Variants in METTL15 observed in about 807,000 individuals in gnomAD.
The protein encoded by METTL15 is methyltransferase 15, mitochondrial 12S rRNA N4-cytidine, also known as 12S rRNA N(4)-cytidine methyltransferase METTL15.
In METTL15, 34 loss-of-function variants were observed where a neutral mutation model predicts 38.3. The ratio of observed to expected loss-of-function variants is 0.89; its 90% CI spans 0.68 to 1.18. The LOEUF (loss-of-function observed/expected upper bound fraction) is 1.18, where lower values mean the gene tolerates loss of function less well. Among genes scored for constraint, METTL15 ranks in the 50% most tolerant of loss-of-function variants. The pLI is 0.00. For synonymous variants in METTL15, 162 were observed against 170.9 expected, an observed-to-expected ratio of 0.95 and a Z score of 0.41; for missense variants, 438 against 498.4, an observed-to-expected ratio of 0.88 and a Z score of 1.15.
chr11:28,450,319 A>G (rs1416001297), intron 6 of METTL15, among the ~76,000 whole-genome samples: 2 of 152,232 alleles, frequency 1.3e-5, no homozygotes, highest in Non-Finnish European at 2.9e-5. Context: ...ACCATGTTCC[A>G]GGCAATGTAT....
intron 3 of METTL15, among the ~76,000 whole-genome samples, chr11:28,150,241 T>A (rs955220785): frequency 3.9e-5 from 6 of 151,962 alleles, no homozygotes; most frequent in Non-Finnish European, 8.8e-5. Flanking sequence ...ACTACACTAG[T>A]ATAGTATTGA....
intron 4 of METTL15, among the ~76,000 whole-genome samples, chr11:28,255,565 A>G (rs1317640643): frequency 1.3e-5 from 2 of 152,150 alleles, no homozygotes; most frequent in Admixed American, 6.5e-5. Context: ...CCCATTCAGT[A>G]TGATATTAGC....
intron 3 of METTL15, among the ~76,000 whole-genome samples, chr11:28,139,550 C>T (rs1043356988): frequency 6.6e-6 from 1 of 152,096 alleles, no homozygotes; most frequent in Non-Finnish European, 1.5e-5. Context: ...CTTTCCTCTG[C>T]TGTCAGTAAC....
chr11:28,288,541 C>A (rs1010262114), intron 4 of METTL15, among the ~76,000 whole-genome samples: 1 of 152,094 alleles, frequency 6.6e-6, no homozygotes, highest in Non-Finnish European at 1.5e-5. Context: ...AGGCCATTAT[C>A]CTTAGCAAAC....
At chr11:28,145,070 T>A (rs1849832228) in intron 3 of METTL15, 1 of 164,514 alleles carries the variant, frequency 6.1e-6, no homozygotes, top group Non-Finnish European at 1.3e-5. Flanking sequence ...GCTGTCAGGA[T>A]CTCAGTAGGA....
chr11:28,311,940 A>G (rs1309756182), intron 6 of METTL15, among the ~76,000 whole-genome samples: 1 of 152,232 alleles, frequency 6.6e-6, no homozygotes, highest in Non-Finnish European at 1.5e-5. Flanking sequence ...GTCAGCAGGT[A>G]GAGATATCAG....
chr11:28,300,976 A>G (rs1565236714), intron 6 of METTL15, among the ~76,000 whole-genome samples: 1 of 152,110 alleles, frequency 6.6e-6, no homozygotes, highest in African/African-American at 2.4e-5. Context: ...TCCCCATTGT[A>G]TTCCGGTGAA....
chr11:28,401,475 A>C (rs1342018218), intron 5 of METTL15, among the ~76,000 whole-genome samples: 2 of 151,528 alleles, frequency 1.3e-5, no homozygotes, highest in Non-Finnish European at 2.9e-5. Flanking sequence ...TATTGACCAT[A>C]CTCTTTTTAT....
chr11:28,455,223 T>C (rs1322978262), intron 6 of METTL15, among the ~76,000 whole-genome samples: 1 of 149,064 alleles, frequency 6.7e-6, no homozygotes, highest in Non-Finnish European at 1.5e-5. Flanking sequence ...TAGCTTTTTT[T>C]TTTTTTTTTT....
chr11:28,296,746 T>G lies in METTL15; in HGVS notation c.600-7T>G, dbSNP rs915509144. On this transcript the variant is annotated splice_polypyrimidine_tract_variant and splice_region_variant and intron_variant, in intron 5 of 6. Coordinates refer to ENST00000407364, the MANE Select transcript of METTL15 (RefSeq NM_001113528.2). Reference sequence around the variant, plus strand: ...TCAGTGAACTAATTGGCTCTTCTTGTGCGTAGGTACCCTGACATGCCCACT... The same window carrying G: ...TCAGTGAACTAATTGGCTCTTCTTGGGCGTAGGTACCCTGACATGCCCACT... 1.9e-6 allele frequency: 3 copies of G among 1,612,498 alleles called. No homozygotes were observed. Among genetic ancestry groups the G allele is most frequent in the Non-Finnish European group, 2.5e-6 (3 of 1,179,298 alleles).
chr11:28,377,974 C>T (rs962323380), intron 5 of METTL15, among the ~76,000 whole-genome samples: 2 of 152,148 alleles, frequency 1.3e-5, no homozygotes, highest in Non-Finnish European at 2.9e-5. Flanking sequence ...GCTCGGGGGT[C>T]AGGGGTCAGG....
intron 3 of METTL15, among the ~76,000 whole-genome samples, chr11:28,180,287 C>A (rs1851235856): frequency 1.3e-5 from 2 of 151,798 alleles, no homozygotes; most frequent in Admixed American, 1.3e-4. Context: ...AAAATGTTTT[C>A]TCTCTGATAT....
chr11:28,138,206 A>G (rs1849578505), intron 3 of METTL15, among the ~76,000 whole-genome samples: 1 of 151,804 alleles, frequency 6.6e-6, no homozygotes, highest in Admixed American at 6.6e-5. Context: ...AGGGCCTCTC[A>G]TGTGTGCATT....
At chr11:28,142,903 A>G (rs1849748015) in intron 3 of METTL15, among the ~76,000 whole-genome samples, 1 of 152,118 alleles carries the variant, frequency 6.6e-6, no homozygotes, top group Non-Finnish European at 1.5e-5. Flanking sequence ...CCAGTTAGAA[A>G]GCAATTGTAT....
chr11:28,347,904 A>G (rs943504387), intron 3 of METTL15, among the ~76,000 whole-genome samples: 8 of 152,202 alleles, frequency 5.3e-5, no homozygotes, highest in Non-Finnish European at 1.2e-4. Flanking sequence ...CCGATACTTT[A>G]GCATTTTTGA....
Position 28,296,924 on chromosome 11 carries a change from C to T in METTL15, c.771C>T (p.Ile257=), listed in dbSNP as rs775064572. The T allele has an allele frequency of 5.6e-6, 9 of 1,613,294 alleles. No homozygotes were observed. Among genetic ancestry groups the T allele is most frequent in the African/African-American group, 2.7e-5 (2 of 74,844 alleles). The part of the protein sequence containing the change: ...PITRTQQLAS[I]VAGAFPPSAI... The stretch of plus-strand genomic sequence containing the variant: ...CCAGAACCCAGCAGCTTGCCAGCAT[C>T]GTTGCAGGTAGCCTCATTAATTCTC... Residue 257 remains isoleucine (I), a synonymous_variant, in exon 6 of 7, where the codon ATC becomes ATT. Transcript: ENST00000407364.
At chr11:28,172,815 A>G (rs1850906324) in intron 3 of METTL15, among the ~76,000 whole-genome samples, 2 of 152,234 alleles carry the variant, frequency 1.3e-5, no homozygotes, top group Admixed American at 1.3e-4. Flanking sequence ...AAAATAGCAT[A>G]CAGAGCTATG....
At chr11:28,348,063 A>C (rs181340976) in intron 3 of METTL15, among the ~76,000 whole-genome samples, 9 of 152,166 alleles carry the variant, frequency 5.9e-5, no homozygotes, top group Admixed American at 2.6e-4. Flanking sequence ...CATGATATCT[A>C]TGTGTCCCAT....
intron 6 of METTL15, among the ~76,000 whole-genome samples, chr11:28,321,231 C>T (rs550520948): frequency 3.3e-5 from 5 of 152,230 alleles, no homozygotes; most frequent in East Asian, 3.9e-4. Context: ...CATTTTTTAA[C>T]GTGATTTTCA....
Sources: gnomAD v4.1 joint callset for allele counts (sites outside exome capture counted in the v4.1 genomes callset) on GRCh38, gnomAD v4.1.1 for gene constraint, MANE v1.5 for transcripts, NCBI Gene and HGNC (gene_info 2026-07-23, HGNC 2026-07-21) for gene names.